Variants in CRMP1 observed in about 807,000 individuals in gnomAD.
The protein encoded by CRMP1 is dihydropyrimidinase-related protein 1.
A neutral mutation model predicts 68.3 loss-of-function variants in CRMP1; 19 were observed. The observed-to-expected ratio is 0.28, with a 90% CI of 0.19 to 0.41. The LOEUF (loss-of-function observed/expected upper bound fraction) is 0.41. Ranked by LOEUF, CRMP1 falls within the 10% of genes least tolerant of loss-of-function variation. The probability of loss-of-function intolerance (pLI) is 1.00; values close to 1 mark genes in which losing one functional copy is unlikely to be tolerated. For synonymous variants in CRMP1, 439 were observed against 399.6 expected (o/e 1.10, Z -1.18); for missense variants, 791 against 967.4 (o/e 0.82, Z 2.42).
In CRMP1 at chr4:5,825,269, T is replaced by C; in HGVS notation, c.1969+225A>G. 1.0e-6 allele frequency: 1 copy of C among 985,298 alleles called. No homozygotes were observed. Among genetic ancestry groups the C allele is most frequent in the East Asian group, 1.1e-4 (1 of 8,792 alleles). The allele number at this position is 985,298 out of a possible 1,614,324, so 61.0% of individuals were successfully genotyped here. ...TGGTACCTCTCTTTGTAAACCCACA[T>C]CAGGTACCACCATGTTGCCCCCCTA... On this transcript the variant is annotated intron_variant, in intron 13 of 13. Coordinates refer to ENST00000324989, the MANE Select transcript of CRMP1 (RefSeq NM_001014809.3). The surrounding 1 kb of genome is among the most constrained non-coding windows in gnomAD (Gnocchi z 4.4).
chr4:5,877,657 C>A lies in CRMP1; in HGVS notation c.382-10901G>T, dbSNP rs543521862. On this transcript the variant is annotated intron_variant, in intron 1 of 13. Transcript: ENST00000324989. This position sits in a 1 kb window ranked among gnomAD's most constrained non-coding sequence, Gnocchi z 4.3. The stretch of plus-strand genomic sequence containing the variant: ...ATTAACACACATTCGTTCCCCCTCT[C>A]ACGGGTAGGGGACAGGGCGGCTTTC... 6.6e-6 allele frequency among the ~76,000 whole-genome samples: 1 copy of A among 152,364 alleles called. No individual in the cohort carries two copies. Among genetic ancestry groups the A allele is most frequent in the South Asian group, 2.1e-4 (1 of 4,830 alleles).
In CRMP1 at chr4:5,843,618, C is replaced by T. The variant is rs1445992950; in HGVS notation, c.964-457G>A. On this transcript the variant is annotated intron_variant, in intron 6 of 13. Transcript: ENST00000324989. The surrounding 1 kb of genome is among the most constrained non-coding windows in gnomAD (Gnocchi z 4.1). Reference sequence around the variant, plus strand: ...GAGTCCAGATCCAGAACAGCCGTCTCTGTGACTTTGGGCAGGTTGGTCAAG... The same window carrying T: ...GAGTCCAGATCCAGAACAGCCGTCTTTGTGACTTTGGGCAGGTTGGTCAAG... Among the ~76,000 whole-genome samples the T allele has an allele frequency of 6.6e-6, 1 of 152,192 alleles. No homozygotes were observed. Among genetic ancestry groups the T allele is most frequent in the African/African-American group, 2.4e-5 (1 of 41,460 alleles).
chr4:5,876,352 C>T lies in CRMP1; in HGVS notation c.382-9596G>A, dbSNP rs36040327. ...GGGCAAGCAACTCCCATGGCCCCCA[C>T]TAGAGCAGTCATTGCAATCACGAAG... On this transcript the variant is annotated intron_variant, in intron 1 of 13. Transcript: ENST00000324989. 4.5e-3 allele frequency among the ~76,000 whole-genome samples: 682 copies of T among 152,182 alleles called. 3 individuals carry two copies. Among genetic ancestry groups the T allele is most frequent in the Non-Finnish European group, 7.1e-3 (485 of 68,002 alleles).
At chr4:5,828,004 G>A in intron 12 of CRMP1, 1 of 978,810 alleles carries the variant, frequency 1.0e-6, no homozygotes, top group Non-Finnish European at 1.2e-6. Flanking sequence ...GTCAAGGGAG[G>A]AAGGAAAGGA....
intron 4 of CRMP1, among the ~76,000 whole-genome samples, chr4:5,851,978 G>A (rs1712690163): frequency 6.7e-6 from 1 of 150,334 alleles, no homozygotes; most frequent in Admixed American, 6.6e-5. Context: ...GGAAGAGGAG[G>A]AGGAAGAGGA....
chr4:5,886,824 G>A (rs761370556), intron 1 of CRMP1, among the ~76,000 whole-genome samples: 28 of 152,226 alleles, frequency 1.8e-4, no homozygotes, highest in Non-Finnish European at 3.8e-4. Flanking sequence ...AACCATATGT[G>A]TTCTAGTGAT....
Position 5,860,954 on chromosome 4 carries a change from C to A in CRMP1, c.655+72G>T. Reference sequence around the variant, plus strand: ...GGCAGAGAGCCTCGAACACACTGAGCACTTGTGATGCTGGTGATGGGGAGG... The same window carrying A: ...GGCAGAGAGCCTCGAACACACTGAGAACTTGTGATGCTGGTGATGGGGAGG... On this transcript the variant is annotated intron_variant, in intron 3 of 13. Transcript: ENST00000324989. The surrounding 1 kb of genome is among the most constrained non-coding windows in gnomAD (Gnocchi z 4.2). The A allele has an allele frequency of 6.7e-7, 1 of 1,489,520 alleles. No homozygotes were observed. Among genetic ancestry groups the A allele is most frequent in the Non-Finnish European group, 9.2e-7 (1 of 1,089,520 alleles). 92.3% of individuals were successfully genotyped at this position (1,489,520 alleles called of 1,614,324 possible).
In CRMP1 at chr4:5,888,633, C is replaced by A; in HGVS notation, c.381+3956G>T. The stretch of plus-strand genomic sequence containing the variant: ...TTCCGATCTCCCACCCCGCCCCCCG[C>A]CCCCCACCCGCCCAGCCCCGCCGAC... On this transcript the variant is annotated intron_variant, in intron 1 of 13. Transcript: ENST00000324989. This position sits in a 1 kb window ranked among gnomAD's most constrained non-coding sequence, Gnocchi z 6.4. The A allele has an allele frequency of 1.0e-6, 1 of 958,270 alleles. No homozygotes were observed. The highest frequency in any genetic ancestry group is 1.2e-6 in the Non-Finnish European group (1 of 806,848). 59.4% of individuals were successfully genotyped at this position (958,270 alleles called of 1,614,324 possible).
intron 11 of CRMP1, among the ~76,000 whole-genome samples, chr4:5,830,535 T>C (rs1204618692): frequency 1.3e-5 from 2 of 152,222 alleles, no homozygotes; most frequent in Non-Finnish European, 2.9e-5. Context: ...TAGTAAATAG[T>C]AGGGCAGAGG....
chr4:5,828,041 T>C, intron 12 of CRMP1: 1 of 985,404 alleles, frequency 1.0e-6, no homozygotes, highest in East Asian at 1.1e-4. Flanking sequence ...AAGGAAGCCC[T>C]GCCTGCAAGA....
At chr4:5,837,488 C>T (rs910833209) in intron 9 of CRMP1, among the ~76,000 whole-genome samples, 1 of 147,840 alleles carries the variant, frequency 6.8e-6, no homozygotes, top group Non-Finnish European at 1.5e-5. Context: ...ATTAGCCAGG[C>T]GTGGTGGTGG....
chr4:5,831,536 T>C (rs1209155947), intron 11 of CRMP1, among the ~76,000 whole-genome samples: 1 of 152,078 alleles, frequency 6.6e-6, no homozygotes, highest in East Asian at 1.9e-4. Flanking sequence ...TATGGAGTGA[T>C]TCATAACTGT....
At chr4:5,833,110 G>A (rs1249556103) in intron 11 of CRMP1, among the ~76,000 whole-genome samples, 2 of 151,718 alleles carry the variant, frequency 1.3e-5, no homozygotes, top group Admixed American at 1.3e-4. Context: ...AGCCTTCAGA[G>A]AGAGCATGGC....
chr4:5,871,593 G>A (rs548097063), intron 1 of CRMP1, among the ~76,000 whole-genome samples: 1 of 152,236 alleles, frequency 6.6e-6, no homozygotes, highest in Non-Finnish European at 1.5e-5. Flanking sequence ...AAGGGAGAAG[G>A]AGGTTGCAGT....
rs755529263 is a variant in CRMP1, at chr4:5,859,953, C to T, written c.655+1073G>A. 4.6e-5 allele frequency among the ~76,000 whole-genome samples: 7 copies of T among 151,982 alleles called. No homozygotes were observed. The highest frequency in any genetic ancestry group is 1.3e-4 in the Admixed American group (2 of 15,270). ...AAGAACATTTACAATAAACTGTGGCCTATTTAATTAAAATTGCTTATTAAA... is the reference window on the plus strand; with the variant it reads ...AAGAACATTTACAATAAACTGTGGCTTATTTAATTAAAATTGCTTATTAAA... On this transcript the variant is annotated intron_variant, in intron 3 of 13. Coordinates refer to ENST00000324989, the MANE Select transcript of CRMP1 (RefSeq NM_001014809.3). This position sits in a 1 kb window ranked among gnomAD's most constrained non-coding sequence, Gnocchi z 5.2.
intron 3 of CRMP1, among the ~76,000 whole-genome samples, chr4:5,857,154 C>A (rs1157123172): frequency 6.6e-6 from 1 of 151,506 alleles, no homozygotes; most frequent in African/African-American, 2.4e-5. Context: ...ACTATCATCA[C>A]TACCATCCAC....
chr4:5,827,733 G>GCACACA (rs141887967), intron 12 of CRMP1, among the ~76,000 whole-genome samples: 1,553 of 138,322 alleles, frequency 0.011, 27 homozygotes, highest in African/African-American at 0.041. Context: ...ATGTGCGCGT[G>GCACACA]CACACACACA....
chr4:5,852,880 G>C (rs1037195528), intron 4 of CRMP1, among the ~76,000 whole-genome samples: 3 of 152,140 alleles, frequency 2.0e-5, no homozygotes, highest in African/African-American at 7.2e-5. Flanking sequence ...CAGGAGAATC[G>C]CTAGGAAAAG....
rs1373399030 is a variant in CRMP1, at chr4:5,879,100, C to T, written c.382-12344G>A. On this transcript the variant is annotated intron_variant, in intron 1 of 13. Transcript: ENST00000324989. This position sits in a 1 kb window ranked among gnomAD's most constrained non-coding sequence, Gnocchi z 4.2. ...CTCGCTTCTCCTCAAAATCCTTCAC[C>T]AGCTTGTCCTCATCTGTAGGACAAA... 6.6e-6 allele frequency among the ~76,000 whole-genome samples: 1 copy of T among 152,168 alleles called. No homozygotes were observed. Among genetic ancestry groups the T allele is most frequent in the Non-Finnish European group, 1.5e-5 (1 of 68,024 alleles).
Sources: allele counts gnomAD v4.1 joint callset (sites outside exome capture counted in the v4.1 genomes callset), GRCh38; gene constraint gnomAD v4.1.1; non-coding constraint Gnocchi (gnomAD v3.1); transcripts MANE v1.5; gene names NCBI Gene and HGNC (gene_info 2026-07-23, HGNC 2026-07-21).